CDH18: variants seen among roughly 807,000 people sequenced by gnomAD.
CDH18 encodes cadherin 18, also known as cadherin-18.
In CDH18, 31 loss-of-function variants were observed where a neutral mutation model predicts 67.9. That is an observed-to-expected ratio of 0.46 (90% CI 0.34 to 0.62). The LOEUF is 0.62. Ranked by LOEUF, CDH18 falls within the 20% of genes least tolerant of loss-of-function variation. The pLI, the probability that CDH18 is intolerant of heterozygous loss-of-function variation, is 0.01. For synonymous variants in CDH18, 362 were observed against 347.2 expected, an observed-to-expected ratio of 1.04 and a Z score of -0.48; for missense variants, 890 against 975.5, an observed-to-expected ratio of 0.91 and a Z score of 1.17.
At chr5:19,619,345 A>G (rs2150135065) in intron 5 of CDH18, among the ~76,000 whole-genome samples, 1 of 152,330 alleles carries the variant, frequency 6.6e-6, no homozygotes, top group South Asian at 2.1e-4. Context: ...GTACAGTAAT[A>G]CAGAAAACAT....
intron 2 of CDH18, among the ~76,000 whole-genome samples, chr5:20,036,415 A>G (rs150531587): frequency 6.6e-6 from 1 of 152,056 alleles, no homozygotes; most frequent in South Asian, 2.1e-4. Context: ...AAGAAAAAAG[A>G]AGGAGAAGGA....
chr5:20,421,333 A>C (rs1368182075), intron 1 of CDH18, among the ~76,000 whole-genome samples: 1 of 149,796 alleles, frequency 6.7e-6, no homozygotes, highest in East Asian at 1.9e-4. Flanking sequence ...ATCCACTTTT[A>C]ACCTTGATGA....
At chr5:19,886,449 T>C (rs780429917) in intron 2 of CDH18, among the ~76,000 whole-genome samples, 1 of 152,122 alleles carries the variant, frequency 6.6e-6, no homozygotes, top group Non-Finnish European at 1.5e-5. Context: ...TTATTTCAGT[T>C]GCCAAATATG....
intron 10 of CDH18, among the ~76,000 whole-genome samples, chr5:19,518,670 A>G (rs755075071): frequency 6.6e-6 from 1 of 152,016 alleles, no homozygotes; most frequent in Non-Finnish European, 1.5e-5. Flanking sequence ...TTGGACTTAC[A>G]CCAGTGGTTT....
chr5:19,867,741 A>G (rs1785724248), intron 2 of CDH18, among the ~76,000 whole-genome samples: 1 of 128,542 alleles, frequency 7.8e-6, no homozygotes, highest in African/African-American at 2.9e-5. Flanking sequence ...ATTGCAAAAA[A>G]TCAGTGTTTC....
At chr5:19,823,497 T>C (rs549458001) in intron 3 of CDH18, among the ~76,000 whole-genome samples, 156 of 152,322 alleles carry the variant, frequency 1.0e-3, no homozygotes, top group Non-Finnish European at 1.9e-3. Context: ...TCGGGGTCCC[T>C]AACTTCCCAC....
intron 2 of CDH18, among the ~76,000 whole-genome samples, chr5:19,964,224 T>C (rs1485555915): frequency 6.6e-6 from 1 of 152,126 alleles, no homozygotes; most frequent in African/African-American, 2.4e-5. Context: ...CATAATATAA[T>C]AGATTCAGCT....
chr5:19,712,641 A>ATG (rs1478200804), intron 5 of CDH18, among the ~76,000 whole-genome samples: 1 of 91,518 alleles, frequency 1.1e-5, no homozygotes, highest in Non-Finnish European at 2.8e-5. Context: ...CTTAAAATTT[A>ATG]TATATATATA....
At chr5:19,680,793 T>C (rs1212680558) in intron 5 of CDH18, among the ~76,000 whole-genome samples, 1 of 151,982 alleles carries the variant, frequency 6.6e-6, no homozygotes, top group Non-Finnish European at 1.5e-5. Flanking sequence ...GAAAAGGGAA[T>C]GCTTACACGC....
In CDH18 at chr5:19,571,660, T is replaced by C; in HGVS notation, c.1172A>G (p.Glu391Gly). The C allele has an allele frequency of 6.2e-7, 1 of 1,613,934 alleles. No individual in the cohort carries two copies. The highest frequency in any genetic ancestry group is 8.5e-7 in the Non-Finnish European group (1 of 1,179,904). The change falls in exon 8 of 13, where the codon GAA (glutamate) becomes GGA (glycine). Residue 391 changes from glutamate to glycine, a missense_variant. Physicochemically the swap from Glu to Gly is moderately conservative, Grantham distance 98. This residue lies in a region of CDH18 where 656 missense variants were observed against 668.1 expected (regional missense o/e 0.98). Transcript: ENST00000382275. Reference protein sequence around the residue: ...PLFSMPSYLMEVYENAKIGTV... With the variant: ...PLFSMPSYLMGVYENAKIGTV... ...CCCAATCTTGGCATTTTCGTAGACT[T>C]CCATGAGGTAGGAAGGCATGGAAAA... is the stretch of plus-strand genomic sequence containing the variant.
chr5:20,482,342 G>A (rs1178701181), intron 1 of CDH18, among the ~76,000 whole-genome samples: 3 of 152,012 alleles, frequency 2.0e-5, no homozygotes, highest in Non-Finnish European at 2.9e-5. Context: ...CTTCATTGCT[G>A]AATTTTAGCA....
At chr5:19,705,658 T>A (rs2150502052) in intron 5 of CDH18, among the ~76,000 whole-genome samples, 1 of 152,294 alleles carries the variant, frequency 6.6e-6, no homozygotes, top group African/African-American at 2.4e-5. Context: ...GGCTTTTTCT[T>A]CCACATACTA....
At chr5:20,443,282 T>C (rs2150194613) in intron 1 of CDH18, among the ~76,000 whole-genome samples, 1 of 151,088 alleles carries the variant, frequency 6.6e-6, no homozygotes, top group Non-Finnish European at 1.5e-5. Context: ...GAAAAATGGC[T>C]GTTTAACAAT....
At chr5:20,205,795 T>G (rs1739831751) in intron 2 of CDH18, among the ~76,000 whole-genome samples, 1 of 151,618 alleles carries the variant, frequency 6.6e-6, no homozygotes, top group Admixed American at 6.6e-5. Flanking sequence ...AAGAGAAAAT[T>G]TAAACAATTG....
At chr5:20,523,493 T>C (rs1008714916) in intron 1 of CDH18, among the ~76,000 whole-genome samples, 3 of 152,160 alleles carry the variant, frequency 2.0e-5, no homozygotes, top group Non-Finnish European at 2.9e-5. Context: ...CATTTATAGC[T>C]GGTAATTTCT....
rs531892450 is a variant in CDH18, at chr5:20,155,228, T to C, written c.-518+100216A>G. On this transcript the variant is annotated intron_variant, in intron 2 of 14. Transcript: ENST00000507958. Reference sequence around the variant, plus strand: ...TTTTCTGTTTCTGAAAAATGTTATGTTTGCATAATAAAAGTTATGAAAAGA... The same window carrying C: ...TTTTCTGTTTCTGAAAAATGTTATGCTTGCATAATAAAAGTTATGAAAAGA... 2.0e-5 allele frequency among the ~76,000 whole-genome samples: 3 copies of C among 152,286 alleles called. No individual in the cohort carries two copies. In the East Asian group the frequency reaches 5.8e-4, roughly 29 times the overall value.
intron 1 of CDH18, among the ~76,000 whole-genome samples, chr5:20,523,442 T>C (rs867782363): frequency 2.6e-5 from 4 of 152,186 alleles, no homozygotes; most frequent in African/African-American, 4.8e-5. Context: ...ATTATGACGG[T>C]GATACATCAG....
chr5:20,053,524 A>T (rs914156808), intron 2 of CDH18, among the ~76,000 whole-genome samples: 1 of 152,088 alleles, frequency 6.6e-6, no homozygotes, highest in African/African-American at 2.4e-5. Flanking sequence ...TTTCCAGTAA[A>T]TCAGACTGAG....
chr5:19,552,820 G>C (rs976304359), intron 8 of CDH18, among the ~76,000 whole-genome samples: 1 of 152,136 alleles, frequency 6.6e-6, no homozygotes, highest in African/African-American at 2.4e-5. Context: ...GCCTCACCCA[G>C]TACAGGAGAT....
Sources: allele counts gnomAD v4.1 joint callset (sites outside exome capture counted in the v4.1 genomes callset), GRCh38; gene constraint gnomAD v4.1.1; regional missense constraint gnomAD v4.1.1; transcripts MANE v1.5; gene names NCBI Gene and HGNC (gene_info 2026-07-23, HGNC 2026-07-21).